CCDC169: variants seen among roughly 807,000 people sequenced by gnomAD.
The protein encoded by CCDC169 is coiled-coil domain containing 169.
In CCDC169, 30 loss-of-function variants were observed where a neutral mutation model predicts 36.0. That is an observed-to-expected ratio of 0.83 (90% CI 0.62 to 1.13). The LOEUF (loss-of-function observed/expected upper bound fraction) is 1.13. Ranked by LOEUF, CCDC169 falls within the 50% of genes most tolerant of loss-of-function variation. CCDC169 has a pLI of 0.00. For missense variants in CCDC169, 245 were observed against 245.9 expected (o/e 1.00, Z 0.03); for synonymous variants, 85 against 81.5 (o/e 1.04, Z -0.23).
chr13:36,273,531 G>A (rs1422614997), intron 4 of CCDC169, among the ~76,000 whole-genome samples: 1 of 152,112 alleles, frequency 6.6e-6, no homozygotes, highest in African/African-American at 2.4e-5. Context: ...TGACTAAAAT[G>A]GGGAACATTC....
At chr13:36,225,784 G>A (rs182344156), downstream of CCDC169, 5 of 152,186 alleles carry the variant, frequency 3.3e-5, no homozygotes, top group East Asian at 1.9e-4. Context: ...CAAAAGACAC[G>A]AACAGACACT....
intron 7 of CCDC169, among the ~76,000 whole-genome samples, chr13:36,242,625 T>C (rs978821369): frequency 6.6e-6 from 1 of 152,082 alleles, no homozygotes; most frequent in Admixed American, 6.5e-5. Flanking sequence ...ATTTGACCAT[T>C]TATTTAGTCA....
At chr13:36,236,435 T>C (rs1239970970) in intron 7 of CCDC169, among the ~76,000 whole-genome samples, 1 of 151,968 alleles carries the variant, frequency 6.6e-6, no homozygotes, top group African/African-American at 2.4e-5. Context: ...TTAGGACAAC[T>C]GAATAAATAC....
At chr13:36,259,847 CTCA>C (rs1035895320) in intron 4 of CCDC169, among the ~76,000 whole-genome samples, 1 of 152,234 alleles carries the variant, frequency 6.6e-6, no homozygotes, top group Non-Finnish European at 1.5e-5. Context: ...ATTCTCCTGC[CTCA>C]TCTTCTCCAG....
chr13:36,287,341 A>C (rs888737421), intron 2 of CCDC169, among the ~76,000 whole-genome samples: 3 of 152,200 alleles, frequency 2.0e-5, no homozygotes, highest in Admixed American at 6.5e-5. Context: ...TCCTTTACCC[A>C]AAATTTTGGT....
chr13:36,287,296 G>A (rs929489556), intron 2 of CCDC169, among the ~76,000 whole-genome samples: 11 of 152,040 alleles, frequency 7.2e-5, no homozygotes, highest in African/African-American at 2.7e-4. Flanking sequence ...AAAATAACAA[G>A]GGTAAAAGCG....
chr13:36,229,743 A>G (rs1870217395), downstream of CCDC169, among the ~76,000 whole-genome samples: 1 of 151,970 alleles, frequency 6.6e-6, no homozygotes, highest in Non-Finnish European at 1.5e-5. Context: ...AAGTTTTGCC[A>G]TGTTGGCCAG....
At chr13:36,237,555 T>C (rs1391818845) in intron 7 of CCDC169, among the ~76,000 whole-genome samples, 14 of 152,166 alleles carry the variant, frequency 9.2e-5, no homozygotes, top group Admixed American at 8.5e-4. Flanking sequence ...CAGCTGATGA[T>C]TCGGTAAATA....
At chr13:36,271,343 TAC>T (rs1337055670) in intron 4 of CCDC169, among the ~76,000 whole-genome samples, 1 of 152,106 alleles carries the variant, frequency 6.6e-6, no homozygotes, top group Non-Finnish European at 1.5e-5. Context: ...TAGAAAACAG[TAC>T]GGAGATTCCT....
intron 4 of CCDC169, among the ~76,000 whole-genome samples, chr13:36,260,040 C>T (rs1566073772): frequency 1.3e-5 from 2 of 152,340 alleles, no homozygotes; most frequent in South Asian, 2.1e-4. Context: ...CTCTGGGAGC[C>T]CTGGGCCTAA....
At chr13:36,284,037 T>G (rs1877871590) in intron 2 of CCDC169, among the ~76,000 whole-genome samples, 1 of 152,060 alleles carries the variant, frequency 6.6e-6, no homozygotes, top group African/African-American at 2.4e-5. Context: ...ACATGTTTCT[T>G]TCCTTGGAAC....
In CCDC169 at chr13:36,293,290, A is replaced by T. The variant is rs182284801; in HGVS notation, c.163+2488T>A. On this transcript the variant is annotated intron_variant, in intron 2 of 7. Coordinates refer to ENST00000239859, the MANE Select transcript of CCDC169 (RefSeq NM_001144981.3). The stretch of plus-strand genomic sequence containing the variant: ...TTGATTTATCTCCTTCATAAACTTT[A>T]ACCTCATCTCCTAATGCATTCTCAT... Among the ~76,000 whole-genome samples the T allele has an allele frequency of 7.9e-5, 12 of 152,294 alleles. No homozygotes were observed. In the East Asian group the frequency reaches 1.7e-3, roughly 22 times the overall value.
At chr13:36,272,540 TA>T (rs1876241006) in intron 4 of CCDC169, among the ~76,000 whole-genome samples, 1 of 152,172 alleles carries the variant, frequency 6.6e-6, no homozygotes, top group South Asian at 2.1e-4. Flanking sequence ...TTTTTTAAAT[TA>T]TTTTTTCTCT....
intron 6 of CCDC169, among the ~76,000 whole-genome samples, chr13:36,252,762 T>C (rs886580024): frequency 7.2e-5 from 11 of 152,188 alleles, no homozygotes; most frequent in African/African-American, 2.4e-4. Flanking sequence ...CAAATCTTTA[T>C]TTGTTTCCTG....
At chr13:36,273,468 A>C (rs535107427) in intron 4 of CCDC169, among the ~76,000 whole-genome samples, 20 of 152,326 alleles carry the variant, frequency 1.3e-4, no homozygotes, top group African/African-American at 4.6e-4. Context: ...AAATATCCTG[A>C]GGCCCCACAC....
intron 4 of CCDC169, among the ~76,000 whole-genome samples, chr13:36,259,058 C>T (rs1273561262): frequency 2.0e-5 from 3 of 152,132 alleles, no homozygotes; most frequent in African/African-American, 7.2e-5. Flanking sequence ...TGTGCTGGGG[C>T]CCTGCTCTTT....
chr13:36,250,733 T>A (rs369280332), intron 6 of CCDC169, among the ~76,000 whole-genome samples: 1 of 152,188 alleles, frequency 6.6e-6, no homozygotes, highest in East Asian at 1.9e-4. Context: ...CATTTACAAA[T>A]CTTTGAAAAA....
At chr13:36,282,641 G>A (rs1332427131) in intron 4 of CCDC169, 1 of 550,208 alleles carries the variant, frequency 1.8e-6, no homozygotes, top group Non-Finnish European at 2.3e-6. Flanking sequence ...GTCCTTTACT[G>A]TGGAGAAATA....
intron 7 of CCDC169, 38 bp from the exon 8 acceptor site, chr13:36,231,330 C>A (rs1400851489): frequency 4.5e-6 from 7 of 1,540,684 alleles, no homozygotes; most frequent in Non-Finnish European, 6.1e-6. Flanking sequence ...TTTTCAGTCA[C>A]CATTATGTAC....
Sources: gnomAD v4.1 joint callset for allele counts (sites outside exome capture counted in the v4.1 genomes callset) on GRCh38, gnomAD v4.1.1 for gene constraint, MANE v1.5 for transcripts, NCBI Gene and HGNC (gene_info 2026-07-23, HGNC 2026-07-21) for gene names.